The following CTNNA3 variants were observed in gnomAD, a reference collection of about 807,000 sequenced individuals.
CTNNA3 encodes the protein catenin alpha 3, also known as catenin alpha-3.
Under a neutral mutation model 95.7 loss-of-function variants are expected in CTNNA3, and 76 were observed. That is an observed-to-expected ratio of 0.79 (90% CI 0.66 to 0.96). The LOEUF is 0.96. CTNNA3 is among the 40% of genes least tolerant of loss of function. The pLI is 0.00. For synonymous variants in CTNNA3, 431 were observed against 374.4 expected (o/e 1.15, Z -1.74); for missense variants, 1,191 against 1,089.8 (o/e 1.09, Z -1.31).
chr10:66,643,736 G>A (rs75457337), intron 9 of CTNNA3, among the ~76,000 whole-genome samples: 9 of 152,056 alleles, frequency 5.9e-5, no homozygotes, highest in African/African-American at 1.9e-4. Context: ...ACAAGTATTT[G>A]TATCTGTCCT....
intron 17 of CTNNA3, among the ~76,000 whole-genome samples, chr10:65,959,791 C>CCCTG (rs2077805045): frequency 6.6e-6 from 1 of 152,130 alleles, no homozygotes; most frequent in African/African-American, 2.4e-5. Context: ...GCTGGGATTA[C>CCCTG]AGCCCTGAGC....
At chr10:66,763,110 C>G (rs1358476549) in intron 9 of CTNNA3, among the ~76,000 whole-genome samples, 2 of 151,964 alleles carry the variant, frequency 1.3e-5, no homozygotes, top group Admixed American at 6.6e-5. Flanking sequence ...ATAGTCTATA[C>G]AAGGAGAACT....
chr10:66,436,145 T>G (rs1024197959), intron 11 of CTNNA3, among the ~76,000 whole-genome samples: 1 of 152,156 alleles, frequency 6.6e-6, no homozygotes, highest in African/African-American at 2.4e-5. Context: ...GAAGAATGTA[T>G]ATTCTGTTGA....
At chr10:66,872,256 T>C (rs909297892) in intron 7 of CTNNA3, among the ~76,000 whole-genome samples, 18 of 152,230 alleles carry the variant, frequency 1.2e-4, no homozygotes, top group African/African-American at 4.1e-4. Flanking sequence ...ACATTTTATG[T>C]ATGAGGAAGC....
At chr10:66,653,265 G>T (rs186327817) in intron 9 of CTNNA3, among the ~76,000 whole-genome samples, 107 of 152,130 alleles carry the variant, frequency 7.0e-4, no homozygotes, top group African/African-American at 2.4e-3. Context: ...TCAGAAAGTT[G>T]CAGGATACAA....
At chr10:66,889,350 A>G (rs1845169679) in intron 7 of CTNNA3, among the ~76,000 whole-genome samples, 1 of 152,180 alleles carries the variant, frequency 6.6e-6, no homozygotes. Context: ...CAACACCAGG[A>G]GTTACTACTA....
rs187168040 is a variant in CTNNA3, at chr10:67,505,352, T to C, written c.579+16490A>G. ...ATTAAAGTTGGGAAAATGACTAAAA[T>C]TCAGTTACCTTTAATTTTAAAAATG... On this transcript the variant is annotated intron_variant, in intron 5 of 17. Coordinates refer to ENST00000433211, the MANE Select transcript of CTNNA3 (RefSeq NM_013266.4). Among the ~76,000 whole-genome samples, 59 of 152,300 alleles carry C rather than the reference T, an allele frequency of 3.9e-4. No homozygotes were observed. The East Asian group carries it at 0.011, about 28-fold the overall frequency.
chr10:66,706,201 C>A (rs564122310), intron 9 of CTNNA3, among the ~76,000 whole-genome samples: 1 of 152,044 alleles, frequency 6.6e-6, no homozygotes, highest in African/African-American at 2.4e-5. Context: ...CCAAATAAAC[C>A]AGTTGTCCTC....
At chr10:67,005,680 A>ATTTTTTTTTTTTT (rs1564825972) in intron 7 of CTNNA3, among the ~76,000 whole-genome samples, 5 of 26,346 alleles carry the variant, frequency 1.9e-4, no homozygotes, top group Non-Finnish European at 2.2e-4. Context: ...ATTTTACTCC[A>ATTTTTTTTTTTTT]TCTTTTTTTT....
chr10:67,431,066 G>A (rs982507319), intron 5 of CTNNA3, among the ~76,000 whole-genome samples: 2 of 151,968 alleles, frequency 1.3e-5, no homozygotes, highest in Admixed American at 6.6e-5. Context: ...TGACCATTAA[G>A]GGAAGGCTAT....
At chr10:67,368,491 A>G (rs1843296876) in intron 5 of CTNNA3, among the ~76,000 whole-genome samples, 3 of 152,188 alleles carry the variant, frequency 2.0e-5, no homozygotes, top group Admixed American at 2.0e-4. Context: ...CCATGTGACT[A>G]AGCCACTGCA....
chr10:67,328,037 C>G lies in CTNNA3; in HGVS notation c.580-108167G>C, dbSNP rs76565018. On this transcript the variant is annotated intron_variant, in intron 5 of 17. Transcript: ENST00000433211. Reference sequence around the variant, plus strand: ...CAGGGCTGGCTGACTCTGTGCCCACCAAGACTCTGTCTGCAACAGAGGTCA... The same window carrying G: ...CAGGGCTGGCTGACTCTGTGCCCACGAAGACTCTGTCTGCAACAGAGGTCA... Among the ~76,000 whole-genome samples the G allele has an allele frequency of 4.1e-3, 628 of 152,210 alleles. 1 individual carries two copies. Among genetic ancestry groups the G allele is most frequent in the Middle Eastern group, 0.02 (6 of 294 alleles).
chr10:66,381,556 TTGAATGAA>T (rs61665378), intron 11 of CTNNA3, among the ~76,000 whole-genome samples: 22 of 151,866 alleles, frequency 1.4e-4, no homozygotes, highest in Non-Finnish European at 2.2e-4. Flanking sequence ...AGAATGCTTG[TTGAATGAA>T]TGAATGAATG....
chr10:66,795,068 T>C (rs745907111), intron 7 of CTNNA3, among the ~76,000 whole-genome samples: 5 of 152,184 alleles, frequency 3.3e-5, no homozygotes, highest in Non-Finnish European at 5.9e-5. Context: ...CCATGAGGTT[T>C]GGAATCAACT....
chr10:66,936,425 C>T (rs1340526338), intron 7 of CTNNA3, among the ~76,000 whole-genome samples: 1 of 151,956 alleles, frequency 6.6e-6, no homozygotes, highest in Non-Finnish European at 1.5e-5. Flanking sequence ...GCTGACATTC[C>T]TTCTATTTTC....
intron 13 of CTNNA3, among the ~76,000 whole-genome samples, chr10:66,251,103 T>G (rs190625053): frequency 6.6e-6 from 1 of 152,292 alleles, no homozygotes; most frequent in Admixed American, 6.5e-5. Flanking sequence ...CAGTGATCCA[T>G]GCACCAGGAA....
chr10:66,005,918 A>G (rs2078869727), intron 15 of CTNNA3, among the ~76,000 whole-genome samples: 1 of 152,088 alleles, frequency 6.6e-6, no homozygotes, highest in African/African-American at 2.4e-5. Flanking sequence ...CTACTTAGTA[A>G]TCCCCTTTAT....
At chr10:67,522,494 G>C in intron 4 of CTNNA3, among the ~76,000 whole-genome samples, 1 of 152,072 alleles carries the variant, frequency 6.6e-6, no homozygotes, top group East Asian at 1.9e-4. Context: ...CTCAGAGCTT[G>C]TATTTTGAGA....
chr10:66,502,840 A>G (rs768088625), intron 11 of CTNNA3, among the ~76,000 whole-genome samples: 3 of 152,094 alleles, frequency 2.0e-5, no homozygotes, highest in African/African-American at 4.8e-5. Flanking sequence ...GGTGCCACAT[A>G]TTGTTATTTT....
Sources: gnomAD v4.1 joint callset for allele counts (sites outside exome capture counted in the v4.1 genomes callset) on GRCh38, gnomAD v4.1.1 for gene constraint, MANE v1.5 for transcripts, NCBI Gene and HGNC (gene_info 2026-07-23, HGNC 2026-07-21) for gene names.